Variants in ANKRD30B observed in about 807,000 individuals in gnomAD.
The protein encoded by ANKRD30B is ankyrin repeat domain-containing protein 30B.
In ANKRD30B, 144 loss-of-function variants were observed where a neutral mutation model predicts 202.2. That is an observed-to-expected ratio of 0.71 (90% confidence interval 0.62 to 0.82). ANKRD30B has a LOEUF of 0.82. Ranked by LOEUF, ANKRD30B falls within the 40% of genes least tolerant of loss-of-function variation. ANKRD30B has a pLI of 0.00. For missense variants in ANKRD30B, 1,487 were observed against 1,669.1 expected, an observed-to-expected ratio of 0.89 and a Z score of 1.90; for synonymous variants, 508 against 561.3, an observed-to-expected ratio of 0.91 and a Z score of 1.34.
chr18:14,750,875 C>T (rs1598555073), intron 1 of ANKRD30B, among the ~76,000 whole-genome samples: 1 of 152,126 alleles, frequency 6.6e-6, no homozygotes. Flanking sequence ...AATTTGATAA[C>T]ATTTGCTATT....
the ANKRD30B span, among the ~76,000 whole-genome samples, chr18:14,870,398 C>G: frequency 6.6e-6 from 1 of 152,248 alleles, no homozygotes; most frequent in East Asian, 1.9e-4. Context: ...CACTGAGGGT[C>G]ACCTGCCCAC....
chr18:14,888,293 C>T, the ANKRD30B span, among the ~76,000 whole-genome samples: 4 of 151,958 alleles, frequency 2.6e-5, no homozygotes, highest in Admixed American at 2.6e-4. Flanking sequence ...GCCTGTAGGT[C>T]TGATATACCT....
rs1377454190 is a variant in ANKRD30B, at chr18:14,831,396, C to A, written c.2788C>A (p.Pro930Thr). The A allele has an allele frequency of 3.9e-6, 6 of 1,524,986 alleles. No homozygotes were observed. Among genetic ancestry groups the A allele is most frequent in the African/African-American group, 1.4e-5 (1 of 71,578 alleles). 94.5% of individuals were successfully genotyped at this position (1,524,986 alleles called of 1,614,324 possible). ...VESTFSLFGK[P>T]TTENSQSTKV... ...TTTTTTCTCTAGTCTTTTTGGCAAA[C>A]CGACTACTGAAAATTCACAGTCTAC... Residue 930 changes from proline (P) to threonine (T), a missense_variant, in exon 34 of 44, where the codon CCG becomes ACG. Coordinates refer to ENST00000690538, the MANE Select transcript of ANKRD30B (RefSeq NM_001367607.2).
the ANKRD30B span, among the ~76,000 whole-genome samples, chr18:14,864,481 C>T: frequency 2.0e-5 from 3 of 152,202 alleles, no homozygotes; most frequent in African/African-American, 7.2e-5. Context: ...CCTCTCTCAC[C>T]ACCCTTTTTC....
At position 14,810,888 on chromosome 18, in the gene ANKRD30B, C is replaced by A. The variant is rs559625407; in HGVS notation, c.2488+708C>A. On this transcript the variant is annotated intron_variant, in intron 28 of 43. Transcript: ENST00000690538. Reference sequence around the variant, plus strand: ...TGGCAATTTAGGAGACCAAGGTGGGCAGATTACTTAAGGTCAGGAGTCGCA... The same window carrying A: ...TGGCAATTTAGGAGACCAAGGTGGGAAGATTACTTAAGGTCAGGAGTCGCA... Among the ~76,000 whole-genome samples the A allele has an allele frequency of 2.7e-3, 405 of 151,278 alleles. 4 individuals are homozygous for A. Among genetic ancestry groups the A allele is most frequent in the Admixed American group, 8.9e-3 (136 of 15,234 alleles).
the ANKRD30B span, among the ~76,000 whole-genome samples, chr18:14,911,575 T>A: frequency 6.6e-6 from 1 of 151,138 alleles, no homozygotes; most frequent in Admixed American, 6.6e-5. Context: ...TCCTCCTTTG[T>A]TCTTTGTGCA....
chr18:14,818,388 T>G (rs1970227088), intron 30 of ANKRD30B, among the ~76,000 whole-genome samples: 1 of 152,068 alleles, frequency 6.6e-6, no homozygotes, highest in South Asian at 2.1e-4. Flanking sequence ...TACTTTAAGT[T>G]TTAGGGTACA....
At chr18:14,838,552 A>G (rs1192225149) in intron 36 of ANKRD30B, among the ~76,000 whole-genome samples, 7 of 152,182 alleles carry the variant, frequency 4.6e-5, no homozygotes, top group Non-Finnish European at 7.3e-5. Flanking sequence ...GAGTCCATTT[A>G]TGGCTGCCAT....
At chr18:14,770,733 G>A (rs758771832) in intron 8 of ANKRD30B, among the ~76,000 whole-genome samples, 28 of 151,816 alleles carry the variant, frequency 1.8e-4, no homozygotes, top group Non-Finnish European at 1.2e-4. Context: ...CTAAAATAGG[G>A]TTCAAAGACG....
chr18:14,778,135 G>A, intron 10 of ANKRD30B, 60 bp downstream of exon 10: 1 of 1,116,268 alleles, frequency 9.0e-7, no homozygotes, highest in Non-Finnish European at 1.3e-6. Context: ...AATTCATGAG[G>A]ACTGATATAC....
chr18:14,899,764 AT>A, the ANKRD30B span, among the ~76,000 whole-genome samples: 1 of 152,198 alleles, frequency 6.6e-6, no homozygotes, highest in African/African-American at 2.4e-5. Flanking sequence ...AATTTAAAAA[AT>A]AAAAGCAAAT....
intron 16 of ANKRD30B, among the ~76,000 whole-genome samples, chr18:14,793,774 G>T (rs1252971702): frequency 6.6e-6 from 1 of 151,498 alleles, no homozygotes; most frequent in Non-Finnish European, 1.5e-5. Flanking sequence ...GGTGCCTGTA[G>T]TCCCAGCCAC....
chr18:14,916,473 A>G, the ANKRD30B span, among the ~76,000 whole-genome samples: 1 of 142,658 alleles, frequency 7.0e-6, no homozygotes, highest in East Asian at 2.2e-4. Context: ...AAATGGAGGG[A>G]GAGAGGGAGA....
the ANKRD30B span, among the ~76,000 whole-genome samples, chr18:14,927,321 C>A: frequency 2.6e-5 from 4 of 152,154 alleles, no homozygotes; most frequent in East Asian, 7.7e-4. Context: ...ATTTTCCATA[C>A]CCCACCTAGC....
intron 26 of ANKRD30B, among the ~76,000 whole-genome samples, chr18:14,809,052 AAGC>A (rs1346184696): frequency 6.8e-6 from 1 of 146,652 alleles, no homozygotes; most frequent in African/African-American, 2.5e-5. Flanking sequence ...AAGATAGTGA[AAGC>A]TGGGTCCAGG....
intron 15 of ANKRD30B, 47 bp downstream of exon 15, chr18:14,787,147 G>A (rs569149045): frequency 1.3e-6 from 2 of 1,519,928 alleles, no homozygotes; most frequent in East Asian, 4.6e-5. Context: ...TGCATGAGAT[G>A]AAAACATAAA....
At chr18:14,934,882 T>G in the ANKRD30B span, among the ~76,000 whole-genome samples, 1 of 148,290 alleles carries the variant, frequency 6.7e-6, no homozygotes, top group Non-Finnish European at 1.5e-5. Context: ...TGTGCACAGG[T>G]AGCCCAGCAC....
chr18:14,889,388 A>G, the ANKRD30B span, among the ~76,000 whole-genome samples: 1 of 152,156 alleles, frequency 6.6e-6, no homozygotes, highest in Non-Finnish European at 1.5e-5. Context: ...CCATGCAACC[A>G]TTTGTTCATT....
chr18:14,754,554 CA>C (rs1475957268), intron 3 of ANKRD30B, among the ~76,000 whole-genome samples: 1 of 152,000 alleles, frequency 6.6e-6, no homozygotes, highest in Non-Finnish European at 1.5e-5. Context: ...TAGTCAAAAA[CA>C]AAGTATTTAC....
Sources: gnomAD v4.1 joint callset for allele counts (sites outside exome capture counted in the v4.1 genomes callset) on GRCh38, gnomAD v4.1.1 for gene constraint, MANE v1.5 for transcripts, NCBI Gene and HGNC (gene_info 2026-07-23, HGNC 2026-07-21) for gene names.